Variants in ARK2C observed in about 807,000 individuals in gnomAD.
ARK2C encodes arkadia (RNF111) C-terminal like ring finger ubiquitin ligase 2C.
chr18:46,394,193 C>A, the ARK2C span, among the ~76,000 whole-genome samples: 1 of 152,166 alleles, frequency 6.6e-6, no homozygotes, highest in African/African-American at 2.4e-5. Flanking sequence ...TTACACAGGG[C>A]AAAAACAAGG....
the ARK2C span, chr18:46,433,614 A>G: frequency 6.9e-6 from 7 of 1,008,802 alleles, no homozygotes; most frequent in Non-Finnish European, 9.9e-6. Context: ...TGTGGCGGAG[A>G]CGGGGGCGGG....
the ARK2C span, among the ~76,000 whole-genome samples, chr18:46,367,889 C>T: frequency 1.3e-5 from 2 of 152,204 alleles, no homozygotes; most frequent in Admixed American, 6.5e-5. Flanking sequence ...ATGGTGCAGG[C>T]ATCTGTACTT....
chr18:46,334,398 G>A, the ARK2C span: 1 of 1,484,852 alleles, frequency 6.7e-7, no homozygotes, highest in Non-Finnish European at 9.1e-7. The surrounding 1 kb of genome is among the most constrained non-coding windows in gnomAD (Gnocchi z 4.4). Context: ...CCGGGGCGGG[G>A]GCGGGCGCCG....
chr18:46,406,157 T>C, the ARK2C span, among the ~76,000 whole-genome samples: 2 of 151,924 alleles, frequency 1.3e-5, no homozygotes, highest in African/African-American at 4.8e-5. Context: ...ATGCAGACAC[T>C]CACCCCATGT....
the ARK2C span, among the ~76,000 whole-genome samples, chr18:46,349,295 C>T: frequency 6.5e-4 from 99 of 152,206 alleles, no homozygotes; most frequent in African/African-American, 2.2e-3. Flanking sequence ...AGGTTTGTTG[C>T]GGGTGAGGGT....
At chr18:46,336,131 A>T in the ARK2C span, 1 of 985,350 alleles carries the variant, frequency 1.0e-6, no homozygotes, top group Non-Finnish European at 1.2e-6. Context: ...CTCAATACAC[A>T]ATTATCTCTT....
the ARK2C span, chr18:46,335,906 C>G: frequency 2.0e-6 from 2 of 985,320 alleles, no homozygotes; most frequent in Non-Finnish European, 2.4e-6. Flanking sequence ...ATGGTCAACT[C>G]GCTGCTGTGT....
the ARK2C span, among the ~76,000 whole-genome samples, chr18:46,432,734 G>A: frequency 6.6e-6 from 1 of 151,928 alleles, no homozygotes; most frequent in African/African-American, 2.4e-5. Context: ...GAGGCGGGTG[G>A]ATCACGAGGT....
the ARK2C span, among the ~76,000 whole-genome samples, chr18:46,383,225 G>A: frequency 6.6e-6 from 1 of 152,226 alleles, no homozygotes; most frequent in Admixed American, 6.5e-5. Flanking sequence ...TGGGTGTTGG[G>A]GGCTGAAGAC....
the ARK2C span, among the ~76,000 whole-genome samples, chr18:46,362,635 A>T: frequency 6.6e-6 from 1 of 152,232 alleles, no homozygotes; most frequent in East Asian, 1.9e-4. Context: ...CTATTTCCAG[A>T]CATATGGTTT....
At chr18:46,343,898 G>A in the ARK2C span, among the ~76,000 whole-genome samples, 1 of 152,202 alleles carries the variant, frequency 6.6e-6, no homozygotes, top group Non-Finnish European at 1.5e-5. Flanking sequence ...ACAGACACAG[G>A]GCTCCTTGAC....
the ARK2C span, chr18:46,456,417 C>G: frequency 3.6e-6 from 3 of 830,252 alleles, no homozygotes; most frequent in Non-Finnish European, 6.0e-6. Context: ...CAGCCTCCCT[C>G]CATAGCCGGG....
the ARK2C span, among the ~76,000 whole-genome samples, chr18:46,401,303 A>G: frequency 6.6e-6 from 1 of 152,172 alleles, no homozygotes; most frequent in African/African-American, 2.4e-5. Context: ...CTGATGGCAG[A>G]GGGGATGTGG....
chr18:46,444,594 A>T, the ARK2C span, among the ~76,000 whole-genome samples: 2 of 151,910 alleles, frequency 1.3e-5, no homozygotes, highest in Admixed American at 6.6e-5. Context: ...CCTCCTGAGT[A>T]GCTTGGACCA....
chr18:46,378,243 A>G, the ARK2C span, among the ~76,000 whole-genome samples: 8 of 152,318 alleles, frequency 5.3e-5, no homozygotes, highest in East Asian at 1.2e-3. Flanking sequence ...GACCCTGCAC[A>G]TGCCCTTGCG....
chr18:46,336,055 G>A, the ARK2C span: 1 of 985,260 alleles, frequency 1.0e-6, no homozygotes, highest in Admixed American at 6.2e-5. Context: ...GGGGGTGAGG[G>A]GGAGTGGGTG....
chr18:46,419,460 C>T, the ARK2C span, among the ~76,000 whole-genome samples: 102,811 of 152,052 alleles, frequency 0.68, 36,853 homozygotes, highest in Middle Eastern at 0.82. Flanking sequence ...AAGCTGAAGT[C>T]CAGAGACAGG....
the ARK2C span, among the ~76,000 whole-genome samples, chr18:46,341,380 T>C: frequency 9.2e-5 from 14 of 151,704 alleles, no homozygotes; most frequent in African/African-American, 3.4e-4. Context: ...GGGAGTTTAC[T>C]GTAAGGTGGA....
chr18:46,402,867 G>A, the ARK2C span, among the ~76,000 whole-genome samples: 3 of 152,154 alleles, frequency 2.0e-5, no homozygotes, highest in Admixed American at 6.5e-5. Flanking sequence ...ATAGAATCAG[G>A]TCTCAGTACC....
Sources: allele counts gnomAD v4.1 joint callset (sites outside exome capture counted in the v4.1 genomes callset), GRCh38; gene constraint gnomAD v4.1.1; non-coding constraint Gnocchi (gnomAD v3.1); transcripts MANE v1.5; gene names NCBI Gene and HGNC (gene_info 2026-07-23, HGNC 2026-07-21).